The following ATP9B variants were observed in gnomAD, a reference collection of about 807,000 sequenced individuals.
ATP9B encodes the protein probable phospholipid-transporting ATPase IIB.
In ATP9B, 110 loss-of-function variants were observed where a neutral mutation model predicts 146.1. That is an observed-to-expected ratio of 0.75 (90% CI 0.65 to 0.88). The LOEUF (loss-of-function observed/expected upper bound fraction) is 0.88, where lower values mean the gene tolerates loss of function less well. Among genes scored for constraint, ATP9B ranks in the 40% least tolerant of loss-of-function variants. ATP9B has a pLI of 0.00. For missense variants in ATP9B, 1,499 were observed against 1,496.4 expected (o/e 1.00, Z -0.03); for synonymous variants, 604 against 569.7 (o/e 1.06, Z -0.86).
At chr18:79,157,840 G>T (rs1018749782) in intron 7 of ATP9B, among the ~76,000 whole-genome samples, 1 of 152,058 alleles carries the variant, frequency 6.6e-6, no homozygotes, top group South Asian at 2.1e-4. Flanking sequence ...TTTCTGTCAG[G>T]TTGGTAGTAA....
chr18:79,144,366 G>C (rs1299397516), intron 6 of ATP9B: 4 of 152,264 alleles, frequency 2.6e-5, no homozygotes, highest in Non-Finnish European at 5.9e-5. Flanking sequence ...CCAGGAACCA[G>C]TTTTATGGAA....
chr18:79,294,001 A>G (rs576328991), intron 13 of ATP9B, among the ~76,000 whole-genome samples: 35 of 152,254 alleles, frequency 2.3e-4, no homozygotes, highest in African/African-American at 8.4e-4. Context: ...AGTAAGAAGC[A>G]AAGTATAATA....
chr18:79,237,864 AT>A (rs1378166644), intron 11 of ATP9B, among the ~76,000 whole-genome samples: 1 of 141,418 alleles, frequency 7.1e-6, no homozygotes, highest in African/African-American at 2.5e-5. Flanking sequence ...CTAATTTTTT[AT>A]TTTTTTGTAG....
Position 79,246,662 on chromosome 18 carries a change from G to C in ATP9B, c.1108-6719G>C, listed in dbSNP as rs550199497. Among the ~76,000 whole-genome samples the C allele has an allele frequency of 7.9e-5, 12 of 152,338 alleles. No homozygotes were observed. The South Asian group carries it at 8.3e-4, about 11-fold the overall frequency. ...AAATGGCTGGCGCTTTCCAGAGAGC[G>C]GGACTGCAGGGATCAGGACGCGCGC... is the stretch of plus-strand genomic sequence containing the variant. On this transcript the variant is annotated intron_variant, in intron 11 of 29. Transcript: ENST00000426216.
intron 15 of ATP9B, among the ~76,000 whole-genome samples, chr18:79,314,285 C>A (rs951249287): frequency 6.6e-6 from 1 of 152,174 alleles, no homozygotes; most frequent in African/African-American, 2.4e-5. Context: ...AGGAAGGATG[C>A]AGTTTAGTAA....
chr18:79,260,201 A>T (rs765476353), intron 12 of ATP9B, among the ~76,000 whole-genome samples: 1 of 152,164 alleles, frequency 6.6e-6, no homozygotes, highest in African/African-American at 2.4e-5. Context: ...GGCCCCAGGA[A>T]ACTTGCAATC....
intron 5 of ATP9B, among the ~76,000 whole-genome samples, chr18:79,127,645 C>T (rs1212330061): frequency 1.3e-5 from 2 of 152,016 alleles, no homozygotes; most frequent in Admixed American, 6.5e-5. Flanking sequence ...ACTTTGTGAC[C>T]GTTGTGAATA....
intron 11 of ATP9B, among the ~76,000 whole-genome samples, chr18:79,218,798 G>T (rs2095652405): frequency 6.6e-6 from 1 of 152,308 alleles, no homozygotes; most frequent in Non-Finnish European, 1.5e-5. Flanking sequence ...GAGTGATATG[G>T]GTCACATTTC....
chr18:79,350,843 G>A lies in ATP9B; in HGVS notation c.2903+2647G>A, dbSNP rs150209318. Among the ~76,000 whole-genome samples the A allele has an allele frequency of 1.0e-2, 1,493 of 149,418 alleles. 52 individuals carry two copies. The highest frequency in any genetic ancestry group is 0.07 in the Admixed American group (1,039 of 14,854). Reference sequence around the variant, plus strand: ...GAGTGCAGTGGTGTGATCTCAGCTCGCTGCAACCTCTGCCTCCTAGGTTCA... The same window carrying A: ...GAGTGCAGTGGTGTGATCTCAGCTCACTGCAACCTCTGCCTCCTAGGTTCA... On this transcript the variant is annotated intron_variant, in intron 25 of 29. Coordinates refer to ENST00000426216, the MANE Select transcript of ATP9B (RefSeq NM_198531.5).
intron 9 of ATP9B, among the ~76,000 whole-genome samples, chr18:79,196,088 G>A (rs2095415347): frequency 6.6e-6 from 1 of 152,202 alleles, no homozygotes; most frequent in South Asian, 2.1e-4. Flanking sequence ...CCCACAGTTG[G>A]AAGGGGCCAG....
At chr18:79,156,744 A>G (rs1291599810) in intron 7 of ATP9B, among the ~76,000 whole-genome samples, 1 of 152,190 alleles carries the variant, frequency 6.6e-6, no homozygotes, top group Non-Finnish European at 1.5e-5. Flanking sequence ...ATATTGGAGT[A>G]TAATGTGATC....
chr18:79,196,079 C>T (rs2095415217), intron 9 of ATP9B, among the ~76,000 whole-genome samples: 2 of 152,148 alleles, frequency 1.3e-5, no homozygotes, highest in South Asian at 4.1e-4. Flanking sequence ...GACCAGCTCC[C>T]CACAGTTGGA....
At chr18:79,185,565 G>T (rs1254671642) in intron 8 of ATP9B, among the ~76,000 whole-genome samples, 1 of 152,012 alleles carries the variant, frequency 6.6e-6, no homozygotes, top group Non-Finnish European at 1.5e-5. Context: ...GTATATCCTA[G>T]GAAAAAAGGA....
At chr18:79,095,997 G>A (rs767555211) in intron 1 of ATP9B, among the ~76,000 whole-genome samples, 6 of 152,232 alleles carry the variant, frequency 3.9e-5, no homozygotes, top group Non-Finnish European at 8.8e-5. Context: ...ACCAAGGGAT[G>A]ATGTTGATAC....
chr18:79,112,401 A>G (rs1159819260), intron 3 of ATP9B, among the ~76,000 whole-genome samples: 1 of 152,242 alleles, frequency 6.6e-6, no homozygotes, highest in Non-Finnish European at 1.5e-5. Flanking sequence ...ATCTATTAAT[A>G]TGTTAGATCT....
chr18:79,281,675 A>G (rs563774774), intron 13 of ATP9B, among the ~76,000 whole-genome samples: 1 of 152,352 alleles, frequency 6.6e-6, no homozygotes, highest in South Asian at 2.1e-4. Context: ...GCTGTTAAAA[A>G]TGACTCAGAA....
At chr18:79,208,763 A>G (rs1022581648) in intron 10 of ATP9B, among the ~76,000 whole-genome samples, 1 of 150,830 alleles carries the variant, frequency 6.6e-6, no homozygotes, top group African/African-American at 2.5e-5. Context: ...GTATATATAT[A>G]TAAACATACG....
chr18:79,265,930 G>C (rs1233304422), intron 12 of ATP9B, among the ~76,000 whole-genome samples: 2 of 152,122 alleles, frequency 1.3e-5, no homozygotes, highest in Non-Finnish European at 1.5e-5. Flanking sequence ...TGTAAAGAAG[G>C]GGTCCGGTTT....
chr18:79,151,705 T>G (rs2094691916), intron 6 of ATP9B, among the ~76,000 whole-genome samples: 1 of 151,976 alleles, frequency 6.6e-6, no homozygotes. Context: ...AAAATTAGCA[T>G]TTCTGATATG....
Sources: allele counts gnomAD v4.1 joint callset (sites outside exome capture counted in the v4.1 genomes callset), GRCh38; gene constraint gnomAD v4.1.1; transcripts MANE v1.5; gene names NCBI Gene and HGNC (gene_info 2026-07-23, HGNC 2026-07-21).